SLC9A3: variants seen among roughly 807,000 people sequenced by gnomAD.
SLC9A3 encodes sodium/hydrogen exchanger 3.
Under a neutral mutation model 86.8 loss-of-function variants are expected in SLC9A3, and 37 were observed. The ratio of observed to expected loss-of-function variants is 0.43; its 90% CI spans 0.33 to 0.56. SLC9A3 has a LOEUF of 0.56. Among genes scored for constraint, SLC9A3 ranks in the 20% least tolerant of loss-of-function variants. SLC9A3 has a pLI of 0.06. For missense variants in SLC9A3, 1,011 were observed against 1,171.9 expected (o/e 0.86, Z 2.00); for synonymous variants, 581 against 528.3 (o/e 1.10, Z -1.37).
chr5:509,102 T>C (rs1025189928), intron 1 of SLC9A3, among the ~76,000 whole-genome samples: 6 of 146,248 alleles, frequency 4.1e-5, no homozygotes, highest in Non-Finnish European at 6.0e-5. Flanking sequence ...AGCCAGATCC[T>C]GTCTCAAAAA....
At position 496,244 on chromosome 5, in the gene SLC9A3, CCT is replaced by C. The variant is rs1330348862; in HGVS notation, c.212-4175_212-4174del. On this transcript the variant is annotated intron_variant, in intron 1 of 16. Transcript: ENST00000264938. This position sits in a 1 kb window ranked among gnomAD's most constrained non-coding sequence, Gnocchi z 4.7. Reference sequence around the variant, plus strand: ...TGTGCGGTGGCGTCCGAGGGCAGCTCCTGCAGTCTTCAGGGTGTGTGTGTGTT... The same window carrying C: ...TGTGCGGTGGCGTCCGAGGGCAGCTCGCAGTCTTCAGGGTGTGTGTGTGTT... Among the ~76,000 whole-genome samples, 2 of 152,214 alleles carry C rather than the reference CCT, an allele frequency of 1.3e-5. No homozygotes were observed. The highest frequency in any genetic ancestry group is 4.8e-5 in the African/African-American group (2 of 41,456).
rs566101443 is a variant in SLC9A3 at position 514,470 on chromosome 5, G to A, written c.211+9642C>T. ...CCCACCCTGCCCCCCGAGGCCCATC[G>A]GGTCTTGCCTGTCGGGGGCTTTGCT... is the stretch of plus-strand genomic sequence containing the variant. On this transcript the variant is annotated intron_variant, in intron 1 of 16. Transcript: ENST00000264938. Among the ~76,000 whole-genome samples the A allele has an allele frequency of 3.3e-5, 5 of 152,316 alleles. No individual in the cohort carries two copies. The South Asian group carries it at 8.3e-4, about 25-fold the overall frequency.
chr5:518,165 G>A (rs2126658196), intron 1 of SLC9A3, among the ~76,000 whole-genome samples: 1 of 152,356 alleles, frequency 6.6e-6, no homozygotes, highest in Admixed American at 6.5e-5. Flanking sequence ...AGACCTTGGA[G>A]GAGGAGGTGT....
chr5:487,887 C>T (rs1353851634), intron 3 of SLC9A3, among the ~76,000 whole-genome samples: 1 of 152,140 alleles, frequency 6.6e-6, no homozygotes, highest in African/African-American at 2.4e-5. Flanking sequence ...AGGCTGGTCT[C>T]GAACTGCTGA....
chr5:501,147 G>A (rs1740259939), intron 1 of SLC9A3, among the ~76,000 whole-genome samples: 1 of 152,192 alleles, frequency 6.6e-6, no homozygotes, highest in Non-Finnish European at 1.5e-5. Flanking sequence ...AGGAGGAAGG[G>A]CCGGCGCTGG....
intron 1 of SLC9A3, among the ~76,000 whole-genome samples, chr5:517,608 A>G (rs1733770097): frequency 6.6e-6 from 1 of 150,858 alleles, no homozygotes; most frequent in African/African-American, 2.4e-5. Flanking sequence ...TCACTCACCC[A>G]TCTATCAATC....
rs899923124 is a variant in SLC9A3, at chr5:479,639, CTG to C, written c.1647+195_1647+196del. 15 of 582,996 alleles carry C rather than the reference CTG, an allele frequency of 2.6e-5. No homozygotes were observed. The African/African-American group carries it at 2.6e-4, about 10-fold the overall frequency. The allele number at this position is 582,996 out of a possible 1,614,324, so 36.1% of individuals were successfully genotyped here. ...CACCAGCACCACAGTCACCAGGACT[CTG>C]TGACTCAGTTTACCCCACGAGAGCC... On this transcript the variant is annotated intron_variant, in intron 10 of 16. Transcript: ENST00000264938.
chr5:498,722 C>T (rs1740138379), intron 1 of SLC9A3, among the ~76,000 whole-genome samples: 1 of 152,240 alleles, frequency 6.6e-6, no homozygotes, highest in Non-Finnish European at 1.5e-5. Flanking sequence ...TCTCCCCTTG[C>T]TTGTGCCCGC....
At chr5:520,216 C>A (rs1733846382) in intron 1 of SLC9A3, among the ~76,000 whole-genome samples, 1 of 152,190 alleles carries the variant, frequency 6.6e-6, no homozygotes, top group Non-Finnish European at 1.5e-5. Context: ...CGTCCACGAC[C>A]CAAGGGGTAC....
rs1025813845 is a variant in SLC9A3 at position 491,616 on chromosome 5, C to T, written c.514+153G>A. Among the ~76,000 whole-genome samples the T allele has an allele frequency of 7.9e-5, 12 of 152,134 alleles. No homozygotes were observed. Among genetic ancestry groups the T allele is most frequent in the Admixed American group, 1.3e-4 (2 of 15,274 alleles). On this transcript the variant is annotated intron_variant, in intron 2 of 16. Transcript: ENST00000264938. This position sits in a 1 kb window ranked among gnomAD's most constrained non-coding sequence, Gnocchi z 9.2. Reference sequence around the variant, plus strand: ...ACGCGCAGGGGACTGGCCTTGGTCACGAGGGCCTACGGGGCTGCCAGCCAC... The same window carrying T: ...ACGCGCAGGGGACTGGCCTTGGTCATGAGGGCCTACGGGGCTGCCAGCCAC...
intron 14 of SLC9A3, 96 bp from the exon 15 acceptor site, chr5:475,767 A>G (rs1738684839): frequency 1.3e-6 from 1 of 771,310 alleles, no homozygotes; most frequent in Admixed American, 2.2e-5. Flanking sequence ...ACAGAGGTGC[A>G]GGCAGTCGGG....
chr5:479,741 G>A lies in SLC9A3; in HGVS notation c.1647+95C>T, dbSNP rs149614473. ...TGGGGTGGGCCTGGCCTTGGGACGC[G>A]GGTGCAGGGGCCTCTCCTCACTGCC... is the stretch of plus-strand genomic sequence containing the variant. On this transcript the variant is annotated intron_variant, in intron 10 of 16. Transcript: ENST00000264938. 1.2e-4 allele frequency: 156 copies of A among 1,331,046 alleles called. No individual in the cohort carries two copies. In the African/African-American group the frequency reaches 2.3e-3, roughly 19 times the overall value. 82.5% of individuals were successfully genotyped at this position (1,331,046 alleles called of 1,614,324 possible).
Position 471,933 on chromosome 5 carries a change from A to AC in SLC9A3, c.*1445dup, listed in dbSNP as rs1738378859. On this transcript the variant is annotated 3_prime_UTR_variant, in exon 17 of 17. Transcript: ENST00000264938. ...TCAGTCAACATAAAACTCTTTAAGA[A>AC]CTCCTCCTGACTGGTGACTGTCAAC... is the stretch of plus-strand genomic sequence containing the variant. 2.2e-6 allele frequency: 1 copy of AC among 456,400 alleles called. No homozygotes were observed. Among genetic ancestry groups the AC allele is most frequent in the Admixed American group, 2.4e-5 (1 of 42,552 alleles). 28.3% of individuals were successfully genotyped at this position (456,400 alleles called of 1,614,324 possible). A position where few individuals can be genotyped will look rare whatever the true frequency, so the allele number is the denominator to read the frequency against.
chr5:491,237 G>C lies in SLC9A3; in HGVS notation c.514+532C>G, dbSNP rs1057425865. On this transcript the variant is annotated intron_variant, in intron 2 of 16. Transcript: ENST00000264938. This position sits in a 1 kb window ranked among gnomAD's most constrained non-coding sequence, Gnocchi z 9.2. ...CAGCGGCGGGCATCAGGGCTGCACC[G>C]CACCTGGCATGTTGAGAGGCGCCAG... 6.6e-6 allele frequency among the ~76,000 whole-genome samples: 1 copy of C among 152,188 alleles called. No homozygotes were observed. Among genetic ancestry groups the C allele is most frequent in the Non-Finnish European group, 1.5e-5 (1 of 68,022 alleles).
chr5:485,542 G>A (rs1027862687), intron 3 of SLC9A3, among the ~76,000 whole-genome samples: 8 of 152,266 alleles, frequency 5.3e-5, no homozygotes, highest in East Asian at 1.9e-4. Context: ...TCTCATCTAC[G>A]GAGACAAACC....
intron 1 of SLC9A3, among the ~76,000 whole-genome samples, chr5:517,372 T>C (rs1733762016): frequency 6.6e-6 from 1 of 151,684 alleles, no homozygotes; most frequent in African/African-American, 2.4e-5. Context: ...CACTCATCCA[T>C]CCATCCATTC....
intron 1 of SLC9A3, among the ~76,000 whole-genome samples, chr5:513,036 G>A (rs1255108489): frequency 1.3e-5 from 2 of 152,208 alleles, no homozygotes; most frequent in East Asian, 3.8e-4. Context: ...CGAGACAGCA[G>A]AAACTGGGGC....
rs1207655080 is a variant in SLC9A3, at chr5:495,980, C to T, written c.212-3909G>A. Among the ~76,000 whole-genome samples the T allele has an allele frequency of 2.0e-5, 3 of 152,190 alleles. No individual in the cohort carries two copies. In the East Asian group the frequency reaches 5.8e-4, roughly 29 times the overall value. On this transcript the variant is annotated intron_variant, in intron 1 of 16. Transcript: ENST00000264938. The stretch of plus-strand genomic sequence containing the variant: ...GACCCTCCCCACGCTCCAGTGAGGC[C>T]GCTGGTTACTGTAAAAGCCTGTTAA...
chr5:472,628 A>G lies in SLC9A3; in HGVS notation c.*751T>C, dbSNP rs1026116170. ...AAACGGGGCAGGTACTGGCTTTAGG[A>G]GTCTAAATCCCCAAACGCTGAGCAG... On this transcript the variant is annotated 3_prime_UTR_variant, in exon 17 of 17. Transcript: ENST00000264938. 2 of 445,564 alleles carry G rather than the reference A, an allele frequency of 4.5e-6. No homozygotes were observed. The highest frequency in any genetic ancestry group is 3.2e-5 in the South Asian group (2 of 63,028). The allele number at this position is 445,564 out of a possible 1,614,324, so 27.6% of individuals were successfully genotyped here. A position where few individuals can be genotyped will look rare whatever the true frequency, so the allele number is the denominator to read the frequency against.
Sources: gnomAD v4.1 joint callset for allele counts (sites outside exome capture counted in the v4.1 genomes callset) on GRCh38, gnomAD v4.1.1 for gene constraint, Gnocchi (gnomAD v3.1) non-coding constraint, MANE v1.5 for transcripts, NCBI Gene and HGNC (gene_info 2026-07-23, HGNC 2026-07-21) for gene names.